PINK1: variants seen among roughly 807,000 people sequenced by gnomAD.
PINK1 encodes PTEN induced kinase 1.
A neutral mutation model predicts 56.0 loss-of-function variants in PINK1; 58 were observed. The ratio of observed to expected loss-of-function variants is 1.04; its 90% CI spans 0.84 to 1.29. PINK1 has a LOEUF of 1.29. Among genes scored for constraint, PINK1 ranks in the 50% most tolerant of loss-of-function variants. The pLI is 0.00. For synonymous variants in PINK1, 354 were observed against 339.3 expected, an observed-to-expected ratio of 1.04 and a Z score of -0.48; for missense variants, 745 against 777.9, an observed-to-expected ratio of 0.96 and a Z score of 0.50.
chr1:20,633,745 G>C lies in PINK1; in HGVS notation c.197G>C (p.Arg66Pro). Residue 66 changes from arginine to proline, a missense_variant, in exon 1 of 8, where the codon CGT becomes CCT. Transcript: ENST00000321556. Reference protein sequence around the residue: ...PRRVGLGLPNRLRFFRQSVAG... With the variant: ...PRRVGLGLPNPLRFFRQSVAG... ...AGGGTCGGGCTCGGGCTCCCTAACCGTCTCCGCTTCTTCCGCCAGTCGGTG... is the reference window on the plus strand; with the variant it reads ...AGGGTCGGGCTCGGGCTCCCTAACCCTCTCCGCTTCTTCCGCCAGTCGGTG... 4 of 1,542,034 alleles carry C rather than the reference G, an allele frequency of 2.6e-6. No homozygotes were observed. The highest frequency in any genetic ancestry group is 3.5e-6 in the Non-Finnish European group (4 of 1,149,800).
At chr1:20,639,627 C>A in intron 2 of PINK1, 1 of 533,586 alleles carries the variant, frequency 1.9e-6, no homozygotes, top group Non-Finnish European at 3.4e-6. Context: ...TCCTGATCAC[C>A]TTGGCATCTC....
At chr1:20,650,103 T>A (rs963366397) in intron 7 of PINK1, 3 of 400,030 alleles carry the variant, frequency 7.5e-6, no homozygotes, top group Non-Finnish European at 1.4e-5. Context: ...GAACAACAGC[T>A]GCAACCAGTT....
chr1:20,649,225 C>A lies in PINK1; in HGVS notation c.1482C>A (p.Ala494=). Residue 494 remains alanine, a synonymous_variant, in exon 7 of 8, where the codon GCC becomes GCA. Transcript: ENST00000321556. The part of the protein sequence containing the change: ...QLVRALLQRE[A]SKRPSARVAA... ...TGAGGGCACTGCTCCAGCGAGAGGC[C>A]AGCAAGGTGAGGCTGTCCCCGGCTT... The A allele has an allele frequency of 6.2e-7, 1 of 1,614,030 alleles. No individual in the cohort carries two copies. Among genetic ancestry groups the A allele is most frequent in the Non-Finnish European group, 8.5e-7 (1 of 1,179,924 alleles).
At chr1:20,645,846 C>T (rs2053174053) in intron 5 of PINK1, 123 bp downstream of exon 5, 1 of 1,318,752 alleles carries the variant, frequency 7.6e-7, no homozygotes. Context: ...TATTTAGCTC[C>T]GCACACAAGA....
At chr1:20,647,805 T>C (rs1219961009) in intron 5 of PINK1, among the ~76,000 whole-genome samples, 8 of 137,224 alleles carry the variant, frequency 5.8e-5, no homozygotes, top group African/African-American at 2.1e-4. Flanking sequence ...GTGTGGACCC[T>C]TTTACAAATA....
At chr1:20,645,833 CTT>C (rs1249803451) in intron 5 of PINK1, 110 bp downstream of exon 5, 9 of 1,396,722 alleles carry the variant, frequency 6.4e-6, no homozygotes, top group Non-Finnish European at 9.0e-6. Flanking sequence ...TAAGTCATGT[CTT>C]TATTTAGCTC....
intron 7 of PINK1, 169 bp from the exon 8 acceptor site, chr1:20,650,265 G>T: frequency 1.2e-6 from 1 of 850,972 alleles, no homozygotes; most frequent in Admixed American, 2.0e-5. Context: ...TGGAGCACGG[G>T]CAGGGGACAG....
At position 20,644,626 on chromosome 1, in the gene PINK1, C is replaced by G. The variant is rs112600292; in HGVS notation, c.913C>G (p.Pro305Ala). The G allele has an allele frequency of 4.2e-5, 68 of 1,614,218 alleles. No homozygotes were observed. The African/African-American group carries it at 6.9e-4, about 16-fold the overall frequency. Reference protein sequence around the residue: ...YPDVLPSRLHPEGLGHGRTLF... With the variant: ...YPDVLPSRLHAEGLGHGRTLF... Reference sequence around the variant, plus strand: ...TGATGTGCTGCCCTCACGCCTCCACCCTGAAGGCCTGGGCCATGGCCGGAC... The same window carrying G: ...TGATGTGCTGCCCTCACGCCTCCACGCTGAAGGCCTGGGCCATGGCCGGAC... The change falls in exon 4 of 8, where the codon CCT becomes GCT. Residue 305 changes from proline to alanine, a missense_variant. Coordinates refer to ENST00000321556, the MANE Select transcript of PINK1 (RefSeq NM_032409.3).
At position 20,649,243 on chromosome 1, in the gene PINK1, C is replaced by T; in HGVS notation, c.1488+12C>T. The T allele has an allele frequency of 6.2e-7, 1 of 1,613,466 alleles. No individual in the cohort carries two copies. Among genetic ancestry groups the T allele is most frequent in the East Asian group, 2.2e-5 (1 of 44,870 alleles). On this transcript the variant is annotated intron_variant, in intron 7 of 7. Transcript: ENST00000321556. ...GAGAGGCCAGCAAGGTGAGGCTGTC[C>T]CCGGCTTCGAGGGGACGGTGTGGGT...
At chr1:20,648,935 A>G in intron 6 of PINK1, 60 bp from the exon 7 acceptor site, 1 of 1,538,170 alleles carries the variant, frequency 6.5e-7, no homozygotes, top group Non-Finnish European at 9.0e-7. Context: ...GGTGATGTGC[A>G]GGACATGAAA....
At chr1:20,635,092 CT>C (rs1260164876) in intron 1 of PINK1, among the ~76,000 whole-genome samples, 1 of 152,202 alleles carries the variant, frequency 6.6e-6, no homozygotes, top group Non-Finnish European at 1.5e-5. Flanking sequence ...ACTAAAGAGG[CT>C]TTTTTAACTG....
rs1570402194 is a variant in PINK1, at chr1:20,641,772, A to G, written c.776+1780A>G. 6.6e-6 allele frequency among the ~76,000 whole-genome samples: 1 copy of G among 151,760 alleles called. No homozygotes were observed. Among genetic ancestry groups the G allele is most frequent in the African/African-American group, 2.4e-5 (1 of 41,292 alleles). ...CCTTCTCATCAGCACCCTACACTCCACCACGCTGGCTTCATAGCTCCTTCC... is the reference window on the plus strand; with the variant it reads ...CCTTCTCATCAGCACCCTACACTCCGCCACGCTGGCTTCATAGCTCCTTCC... On this transcript the variant is annotated intron_variant, in intron 3 of 7. Transcript: ENST00000321556. This position sits in a 1 kb window ranked among gnomAD's most constrained non-coding sequence, Gnocchi z 4.0.
At chr1:20,645,450 C>T (rs1570404612) in intron 4 of PINK1, 110 bp from the exon 5 acceptor site, 4 of 1,265,778 alleles carry the variant, frequency 3.2e-6, no homozygotes, top group East Asian at 2.5e-5. Context: ...GATCGTGCTA[C>T]TGCACTCCAG....
At position 20,637,827 on chromosome 1, in the gene PINK1, C is replaced by A. The variant is rs1023848168; in HGVS notation, c.388-15C>A. On this transcript the variant is annotated splice_polypyrimidine_tract_variant and intron_variant, in intron 1 of 7. Transcript: ENST00000321556. ...TAGGCTCCCTGGCTCACGGTGCATT[C>A]TTTTCTCATCACAGGCAATTTTTAC... The A allele has an allele frequency of 7.4e-6, 12 of 1,613,540 alleles. No individual in the cohort carries two copies. The highest frequency in any genetic ancestry group is 2.7e-5 in the African/African-American group (2 of 74,902).
intron 5 of PINK1, 184 bp from the exon 6 acceptor site, chr1:20,648,321 C>A: frequency 1.3e-6 from 1 of 758,334 alleles, no homozygotes; most frequent in Non-Finnish European, 2.2e-6. Context: ...TTACTGGAGG[C>A]ATTTCCGTGT....
intron 1 of PINK1, among the ~76,000 whole-genome samples, chr1:20,635,878 A>T (rs1021458356): frequency 6.8e-6 from 1 of 146,930 alleles, no homozygotes; most frequent in African/African-American, 2.5e-5. Flanking sequence ...AAAATAAAAA[A>T]TTCTGAAGCC....
intron 3 of PINK1, among the ~76,000 whole-genome samples, chr1:20,642,230 C>T (rs575717524): frequency 6.6e-6 from 1 of 152,346 alleles, no homozygotes; most frequent in African/African-American, 2.4e-5. Flanking sequence ...GCAAAGGGGG[C>T]TCTAGCCTGA....
rs773064713 is a variant in PINK1, at chr1:20,637,991, C to T, written c.537C>T (p.Pro179=). 9.9e-6 allele frequency: 16 copies of T among 1,614,044 alleles called. No homozygotes were observed. Among genetic ancestry groups the T allele is most frequent in the African/African-American group, 2.7e-5 (2 of 74,918 alleles). ...ATGAAGCCACCATGCCTACATTGCC[C>T]CAGAACCTGGAGGTGACAAAGAGCA... The part of the protein sequence containing the change: ...AVYEATMPTL[P]QNLEVTKSTG... The change falls in exon 2 of 8, where the codon CCC becomes CCT. Residue 179 remains proline, a synonymous_variant. Transcript: ENST00000321556.
chr1:20,637,264 C>G (rs1457776492), intron 1 of PINK1, among the ~76,000 whole-genome samples: 2 of 152,258 alleles, frequency 1.3e-5, no homozygotes, highest in African/African-American at 4.8e-5. Context: ...GCACTGCCCC[C>G]AGCACCTGCA....
Sources: gnomAD v4.1 joint callset for allele counts (sites outside exome capture counted in the v4.1 genomes callset) on GRCh38, gnomAD v4.1.1 for gene constraint, Gnocchi (gnomAD v3.1) non-coding constraint, MANE v1.5 for transcripts, NCBI Gene and HGNC (gene_info 2026-07-23, HGNC 2026-07-21) for gene names.